Variants in PTPRD observed in about 807,000 individuals in gnomAD.
The protein encoded by PTPRD is receptor-type tyrosine-protein phosphatase delta.
A neutral mutation model predicts 214.5 loss-of-function variants in PTPRD; 34 were observed. The observed-to-expected ratio is 0.16, with a 90% CI of 0.12 to 0.21. The LOEUF (loss-of-function observed/expected upper bound fraction) is 0.21, where lower values mean the gene tolerates loss of function less well. PTPRD is among the 10% of genes least tolerant of loss of function. PTPRD has a pLI of 1.00. For synonymous variants in PTPRD, 1,128 were observed against 845.7 expected (o/e 1.33, Z -5.79); for missense variants, 2,545 against 2,398.7 (o/e 1.06, Z -1.27).
At chr9:9,727,060 G>A (rs1005360414) in intron 7 of PTPRD, among the ~76,000 whole-genome samples, 4 of 152,102 alleles carry the variant, frequency 2.6e-5, no homozygotes, top group Admixed American at 6.6e-5. Flanking sequence ...AGGACAGGAG[G>A]CAAGAAATCA....
intron 5 of PTPRD, among the ~76,000 whole-genome samples, chr9:9,915,288 A>G (rs10978084): frequency 0.013 from 2,006 of 152,192 alleles, 24 homozygotes; most frequent in Non-Finnish European, 0.022. Flanking sequence ...TTTCTACCAA[A>G]TGCATGGAAA....
intron 11 of PTPRD, among the ~76,000 whole-genome samples, chr9:8,805,694 CT>C (rs2096662959): frequency 6.6e-6 from 1 of 151,544 alleles, no homozygotes; most frequent in African/African-American, 2.4e-5. Flanking sequence ...CCTCCACCCC[CT>C]GGGTTCAAGA....
intron 3 of PTPRD, among the ~76,000 whole-genome samples, chr9:10,338,795 A>C (rs1318826867): frequency 6.6e-6 from 1 of 151,836 alleles, no homozygotes; most frequent in Non-Finnish European, 1.5e-5. Flanking sequence ...GGAGAAAAAA[A>C]ATACATATTT....
intron 7 of PTPRD, among the ~76,000 whole-genome samples, chr9:9,720,833 T>A (rs755032782): frequency 4.6e-5 from 7 of 152,160 alleles, no homozygotes; most frequent in Non-Finnish European, 8.8e-5. Context: ...TGATATCATG[T>A]CTTTTGTTGG....
At chr9:10,152,340 A>G (rs572882481) in intron 3 of PTPRD, among the ~76,000 whole-genome samples, 1 of 152,176 alleles carries the variant, frequency 6.6e-6, no homozygotes, top group Non-Finnish European at 1.5e-5. Flanking sequence ...TATACAAAAT[A>G]TTTTGCTCAT....
Position 8,428,776 on chromosome 9 carries a change from T to C in PTPRD, c.4086+7816A>G, listed in dbSNP as rs77086882. 4.7e-4 allele frequency among the ~76,000 whole-genome samples: 71 copies of C among 152,340 alleles called. No homozygotes were observed. In the East Asian group the frequency reaches 0.012, roughly 27 times the overall value. On this transcript the variant is annotated intron_variant, in intron 35 of 45. Coordinates refer to ENST00000381196, the MANE Select transcript of PTPRD (RefSeq NM_002839.4). The stretch of plus-strand genomic sequence containing the variant: ...AGCTTACACATAAATTATAAACTAA[T>C]AGAAAGCAGATATGACAGTAGTTTT...
intron 2 of PTPRD, among the ~76,000 whole-genome samples, chr9:10,399,219 G>A (rs1206726559): frequency 6.6e-6 from 1 of 151,964 alleles, no homozygotes; most frequent in African/African-American, 2.4e-5. Context: ...GAGAAGGATT[G>A]CAAAGATGAG....
At chr9:9,930,751 A>G (rs2153923491) in intron 5 of PTPRD, among the ~76,000 whole-genome samples, 1 of 152,226 alleles carries the variant, frequency 6.6e-6, no homozygotes, top group East Asian at 1.9e-4. Context: ...ATACTTTTCC[A>G]CAAAATGAAG....
chr9:9,719,712 C>T (rs988706465), intron 7 of PTPRD, among the ~76,000 whole-genome samples: 7 of 152,208 alleles, frequency 4.6e-5, no homozygotes, highest in Non-Finnish European at 1.0e-4. Flanking sequence ...GGATCCCCGA[C>T]CTCAGGGCTC....
intron 4 of PTPRD, among the ~76,000 whole-genome samples, chr9:9,960,486 T>A (rs183295006): frequency 2.0e-5 from 3 of 152,206 alleles, no homozygotes; most frequent in African/African-American, 7.2e-5. Context: ...GAGACTAACT[T>A]AGCAGTGGAG....
intron 2 of PTPRD, among the ~76,000 whole-genome samples, chr9:10,540,219 G>A (rs1383903342): frequency 1.3e-5 from 2 of 152,022 alleles, no homozygotes; most frequent in East Asian, 1.9e-4. Flanking sequence ...TGAGAGACAG[G>A]GTTTCACCAT....
At chr9:8,843,369 A>G (rs979149674) in intron 11 of PTPRD, among the ~76,000 whole-genome samples, 1 of 152,212 alleles carries the variant, frequency 6.6e-6, no homozygotes, top group Admixed American at 6.5e-5. Context: ...GCTAGAGTCA[A>G]CGAGTATTCT....
At chr9:10,045,954 A>G (rs1023193291) in intron 3 of PTPRD, among the ~76,000 whole-genome samples, 1 of 151,822 alleles carries the variant, frequency 6.6e-6, no homozygotes, top group Non-Finnish European at 1.5e-5. Flanking sequence ...AAAACTAAAT[A>G]TAAATCTATC....
intron 11 of PTPRD, among the ~76,000 whole-genome samples, chr9:9,000,911 C>A (rs574327949): frequency 2.6e-5 from 4 of 151,912 alleles, no homozygotes; most frequent in African/African-American, 7.2e-5. Context: ...GGAGAGGTAG[C>A]AGGGAGATGT....
At chr9:10,448,464 A>T (rs999667696) in intron 2 of PTPRD, among the ~76,000 whole-genome samples, 2 of 151,990 alleles carry the variant, frequency 1.3e-5, no homozygotes, top group African/African-American at 4.8e-5. Context: ...ACTAAGTATA[A>T]TAAGTATAAT....
In PTPRD at chr9:8,375,983, G is replaced by C. The variant is rs2083138431; in HGVS notation, c.4614C>G (p.Val1538=). 2.5e-6 allele frequency: 4 copies of C among 1,612,810 alleles called. No individual in the cohort carries two copies. Among genetic ancestry groups the C allele is most frequent in the Non-Finnish European group, 3.4e-6 (4 of 1,179,272 alleles). ...PTPFLAFLRR[V]KTCNPPDAGP... The stretch of plus-strand genomic sequence containing the variant: ...CAGCATCGGGAGGGTTACAGGTTTT[G>C]ACTCTACGTAAGAAAGCTAGAAAAG... The change falls in exon 39 of 46, where the codon GTC becomes GTG. Residue 1538 remains valine, a synonymous_variant. Transcript: ENST00000381196.
chr9:8,995,290 G>C (rs1205576128), intron 11 of PTPRD, among the ~76,000 whole-genome samples: 1 of 151,984 alleles, frequency 6.6e-6, no homozygotes, highest in Non-Finnish European at 1.5e-5. Flanking sequence ...ATCCTTATCT[G>C]TTAGAAATAC....
At chr9:10,077,854 A>T (rs1567532992) in intron 3 of PTPRD, among the ~76,000 whole-genome samples, 1 of 151,566 alleles carries the variant, frequency 6.6e-6, no homozygotes. Context: ...AAAAGGTTGC[A>T]CAGTGGAATC....
At chr9:10,142,639 G>A (rs13297068) in intron 3 of PTPRD, among the ~76,000 whole-genome samples, 12,573 of 148,142 alleles carry the variant, frequency 0.085, 630 homozygotes, top group Admixed American at 0.15. Context: ...GTGCTGGAGA[G>A]GATGTGGAGA....
Sources: gnomAD v4.1 joint callset for allele counts (sites outside exome capture counted in the v4.1 genomes callset) on GRCh38, gnomAD v4.1.1 for gene constraint, MANE v1.5 for transcripts, NCBI Gene and HGNC (gene_info 2026-07-23, HGNC 2026-07-21) for gene names.